RNF128: variants seen among roughly 807,000 people sequenced by gnomAD.
The protein encoded by RNF128 is E3 ubiquitin-protein ligase RNF128.
In RNF128, 13 loss-of-function variants were observed where a neutral mutation model predicts 26.2. That is an observed-to-expected ratio of 0.50 (90% CI 0.32 to 0.79). The LOEUF (loss-of-function observed/expected upper bound fraction) is 0.79. Among genes scored for constraint, RNF128 ranks in the 30% least tolerant of loss-of-function variants. The probability of loss-of-function intolerance (pLI) is 0.03; values close to 1 mark genes in which losing one functional copy is unlikely to be tolerated. For missense variants in RNF128, 315 were observed against 349.7 expected, an observed-to-expected ratio of 0.90 and a Z score of 0.79; for synonymous variants, 149 against 142.5, an observed-to-expected ratio of 1.05 and a Z score of -0.32.
In RNF128 at chrX:106,761,010, G is replaced by A. The variant is rs373259460; in HGVS notation, c.485-11903G>A. The stretch of plus-strand genomic sequence containing the variant: ...ACCTACAGAATGGGAGAAAATATTT[G>A]CAAACTATGCATCCAACAAAGGTCT... On this transcript the variant is annotated intron_variant, in intron 1 of 6. Coordinates refer to ENST00000255499, the MANE Select transcript of RNF128 (RefSeq NM_194463.2). Among the ~76,000 whole-genome samples, 7 of 111,800 alleles carry A rather than the reference G, an allele frequency of 6.3e-5. No homozygotes were observed. The East Asian group carries it at 1.7e-3, about 27-fold the overall frequency.
At chrX:106,732,265 T>G (rs1929513279) in intron 1 of RNF128, among the ~76,000 whole-genome samples, 1 of 111,965 alleles carries the variant, frequency 8.9e-6, no homozygotes. Flanking sequence ...CAAAACAAAG[T>G]ATAGTAATCT....
At chrX:106,790,359 T>G in intron 5 of RNF128, 77 bp downstream of exon 5, 1 of 699,606 alleles carries the variant, frequency 1.4e-6, no homozygotes, top group Middle Eastern at 3.2e-4. Flanking sequence ...CATCCTTATT[T>G]TTTCGCTATG....
chrX:106,743,586 C>A (rs775785377), intron 1 of RNF128, among the ~76,000 whole-genome samples: 1 of 112,557 alleles, frequency 8.9e-6, no homozygotes, highest in Non-Finnish European at 1.9e-5. Flanking sequence ...TTCTACCTTG[C>A]ACATAGTATT....
At chrX:106,701,513 C>G (rs1178886368) in intron 1 of RNF128, among the ~76,000 whole-genome samples, 2 of 111,524 alleles carry the variant, frequency 1.8e-5, no homozygotes, top group Non-Finnish European at 3.8e-5. Context: ...CAATAGTTTA[C>G]TGTTAGCTTG....
intron 1 of RNF128, among the ~76,000 whole-genome samples, chrX:106,700,841 T>A (rs1455068115): frequency 1.8e-5 from 2 of 112,226 alleles, no homozygotes; most frequent in East Asian, 2.8e-4. Context: ...CAATAGGAAC[T>A]GGAGTTATGT....
chrX:106,699,817 G>A (rs780605315), intron 1 of RNF128, among the ~76,000 whole-genome samples: 4 of 110,762 alleles, frequency 3.6e-5, no homozygotes, highest in Non-Finnish European at 5.7e-5. Context: ...CTTTTCCTGC[G>A]TGGGACACTT....
chrX:106,750,244 CA>C (rs1929859487), intron 1 of RNF128, among the ~76,000 whole-genome samples: 1 of 112,027 alleles, frequency 8.9e-6, no homozygotes, highest in Non-Finnish European at 1.9e-5. Context: ...ACCCTGAGAG[CA>C]GATTTCTAAA....
chrX:106,752,977 T>C (rs1929925285), intron 1 of RNF128, among the ~76,000 whole-genome samples: 1 of 111,107 alleles, frequency 9.0e-6, no homozygotes, highest in East Asian at 2.8e-4. Flanking sequence ...GAAAAAAGTA[T>C]TGAGCTTGAA....
intron 1 of RNF128, among the ~76,000 whole-genome samples, chrX:106,755,840 T>A (rs989483032): frequency 9.1e-6 from 1 of 110,200 alleles, no homozygotes; most frequent in Non-Finnish European, 1.9e-5. Flanking sequence ...AAAACCCCAT[T>A]GTCTCAGCCC....
At chrX:106,749,721 C>T (rs1433806633) in intron 1 of RNF128, among the ~76,000 whole-genome samples, 2 of 110,789 alleles carry the variant, frequency 1.8e-5, no homozygotes, top group Non-Finnish European at 3.8e-5. Flanking sequence ...GCCTGGGCAA[C>T]ATAGTGAGAC....
chrX:106,704,211 A>G (rs190351462), intron 1 of RNF128, among the ~76,000 whole-genome samples: 4,982 of 109,944 alleles, frequency 0.045, 293 homozygotes, highest in African/African-American at 0.16. Flanking sequence ...CAAGAAGGGC[A>G]GATCACGAGG....
At chrX:106,702,541 T>A (rs768499803) in intron 1 of RNF128, among the ~76,000 whole-genome samples, 1 of 111,568 alleles carries the variant, frequency 9.0e-6, no homozygotes, top group Non-Finnish European at 1.9e-5. Context: ...CCTCAGTTCA[T>A]AAGTGCTCTT....
At chrX:106,704,306 G>A (rs892136314) in intron 1 of RNF128, among the ~76,000 whole-genome samples, 7 of 109,703 alleles carry the variant, frequency 6.4e-5, no homozygotes, top group African/African-American at 2.0e-4. Context: ...GGTGGCTGGC[G>A]CCTGTAGTCC....
At chrX:106,712,820 G>A (rs896850481) in intron 1 of RNF128, among the ~76,000 whole-genome samples, 1 of 109,757 alleles carries the variant, frequency 9.1e-6, no homozygotes, top group African/African-American at 3.3e-5. Context: ...TTGGTGTTAT[G>A]TAAATAAGCC....
chrX:106,733,428 T>C (rs1602371807), intron 1 of RNF128, among the ~76,000 whole-genome samples: 1 of 111,746 alleles, frequency 8.9e-6, no homozygotes, highest in African/African-American at 3.3e-5. Flanking sequence ...AGACATTTTC[T>C]AAGTAATTTT....
intron 1 of RNF128, among the ~76,000 whole-genome samples, chrX:106,740,518 A>T (rs907323243): frequency 3.6e-5 from 4 of 111,785 alleles, no homozygotes; most frequent in African/African-American, 1.3e-4. Context: ...TAAACAGTGG[A>T]ATTCTCCTTT....
At chrX:106,788,434 A>T (rs868615653) in intron 4 of RNF128, among the ~76,000 whole-genome samples, 8 of 45,759 alleles carry the variant, frequency 1.7e-4, no homozygotes, top group Non-Finnish European at 2.4e-4. Context: ...TATTATATAT[A>T]ATATTATTAT....
intron 1 of RNF128, among the ~76,000 whole-genome samples, chrX:106,756,709 A>T (rs1236115266): frequency 3.6e-5 from 4 of 109,821 alleles, no homozygotes; most frequent in African/African-American, 1.3e-4. Context: ...ACCAAAAGCA[A>T]TGGCAACAAA....
chrX:106,791,627 A>G (rs764351781), intron 6 of RNF128, among the ~76,000 whole-genome samples: 2 of 111,487 alleles, frequency 1.8e-5, no homozygotes, highest in Non-Finnish European at 3.8e-5. Flanking sequence ...TCAATTTATA[A>G]AAGTTTGATT....
Sources: allele counts gnomAD v4.1 joint callset (sites outside exome capture counted in the v4.1 genomes callset), GRCh38; gene constraint gnomAD v4.1.1; transcripts MANE v1.5; gene names NCBI Gene and HGNC (gene_info 2026-07-23, HGNC 2026-07-21).